UBA2: variants seen among roughly 807,000 people sequenced by gnomAD.
UBA2 encodes the protein ubiquitin like modifier activating enzyme 2.
A neutral mutation model predicts 77.2 loss-of-function variants in UBA2; 11 were observed. That is an observed-to-expected ratio of 0.14 (90% confidence interval 0.09 to 0.24). UBA2 has a LOEUF of 0.24. Ranked by LOEUF, UBA2 falls within the 10% of genes least tolerant of loss-of-function variation. UBA2 has a pLI of 1.00. For synonymous variants in UBA2, 278 were observed against 276.7 expected (o/e 1.00, Z -0.05); for missense variants, 487 against 781.7 (o/e 0.62, Z 4.50).
intron 5 of UBA2, among the ~76,000 whole-genome samples, chr19:34,438,089 A>T (rs557004517): frequency 1.0e-3 from 155 of 152,210 alleles, no homozygotes; most frequent in Middle Eastern, 6.8e-3. Flanking sequence ...TAAAATGAAG[A>T]GTATTTGGTT....
intron 13 of UBA2, 120 bp downstream of exon 13, chr19:34,459,044 C>T: frequency 2.6e-6 from 3 of 1,134,978 alleles, no homozygotes; most frequent in South Asian, 4.3e-5. Flanking sequence ...CTGTGATTTC[C>T]TGGGTTATTT....
intron 14 of UBA2, among the ~76,000 whole-genome samples, chr19:34,463,230 T>C (rs1311128307): frequency 6.6e-6 from 1 of 152,202 alleles, no homozygotes; most frequent in African/African-American, 2.4e-5. Flanking sequence ...GGTGAGACCC[T>C]GTCTTTAAAA....
chr19:34,467,223 T>C, intron 16 of UBA2: 1 of 532,668 alleles, frequency 1.9e-6, no homozygotes, highest in Non-Finnish European at 3.2e-6. Context: ...ATCCCAGCAC[T>C]TTGAGAGGCC....
intron 8 of UBA2, 86 bp downstream of exon 8, chr19:34,445,207 C>T: frequency 1.4e-6 from 2 of 1,379,702 alleles, no homozygotes; most frequent in African/African-American, 2.9e-5. Flanking sequence ...TTAAAATAGT[C>T]CATAAAATTG....
rs377669218 is a variant in UBA2 at position 34,431,939 on chromosome 19, A to G, written c.293+8A>G. ...CCATGACAGCATCATGAAGTATGCT[A>G]TAGTGATTACATTGCAAAGTTGTAT... On this transcript the variant is annotated splice_region_variant and intron_variant, in intron 3 of 16. Coordinates refer to ENST00000246548, the MANE Select transcript of UBA2 (RefSeq NM_005499.3). The G allele has an allele frequency of 3.8e-6, 6 of 1,573,636 alleles. 1 individual carries two copies. Among genetic ancestry groups the G allele is most frequent in the Non-Finnish European group, 4.3e-6 (5 of 1,165,756 alleles).
At chr19:34,432,414 T>C (rs1219400684) in intron 3 of UBA2, among the ~76,000 whole-genome samples, 1 of 152,114 alleles carries the variant, frequency 6.6e-6, no homozygotes, top group Non-Finnish European at 1.5e-5. Flanking sequence ...TTTGGAGGAG[T>C]TGGAGCAAAG....
intron 6 of UBA2, among the ~76,000 whole-genome samples, chr19:34,439,053 C>A (rs1427142696): frequency 6.6e-6 from 1 of 151,896 alleles, no homozygotes; most frequent in East Asian, 1.9e-4. Context: ...ACTAAAAATA[C>A]AAAAATTAGT....
chr19:34,461,268 C>G (rs1231878019), intron 14 of UBA2, among the ~76,000 whole-genome samples: 1 of 152,128 alleles, frequency 6.6e-6, no homozygotes, highest in African/African-American at 2.4e-5. Context: ...TGACTTAATT[C>G]ATACCTATTT....
At chr19:34,436,371 C>A (rs2075308521) in intron 5 of UBA2, among the ~76,000 whole-genome samples, 1 of 152,088 alleles carries the variant, frequency 6.6e-6, no homozygotes, top group East Asian at 1.9e-4. Context: ...GCGATCTCAG[C>A]TCGCCGCAAC....
rs540811943 is a variant in UBA2 at position 34,438,101 on chromosome 19, A to G, written c.460-544A>G. On this transcript the variant is annotated intron_variant, in intron 5 of 16. Coordinates refer to ENST00000246548, the MANE Select transcript of UBA2 (RefSeq NM_005499.3). ...CAATAAAATGAAGAGTATTTGGTTT[A>G]GTAACACCTAAGATTTTTCTGTGTA... is the stretch of plus-strand genomic sequence containing the variant. Among the ~76,000 whole-genome samples the G allele has an allele frequency of 9.9e-5, 15 of 152,258 alleles. No homozygotes were observed. In the South Asian group the frequency reaches 2.9e-3, roughly 29 times the overall value.
At chr19:34,434,834 T>TC (rs1555727018) in intron 4 of UBA2, 34 bp from the exon 5 acceptor site, 16 of 1,510,672 alleles carry the variant, frequency 1.1e-5, no homozygotes, top group South Asian at 4.8e-5. Flanking sequence ...ATTTTTTTTT[T>TC]CCCAAAAACT....
At chr19:34,456,570 T>C (rs1017571705) in intron 12 of UBA2, among the ~76,000 whole-genome samples, 1 of 152,082 alleles carries the variant, frequency 6.6e-6, no homozygotes, top group Non-Finnish European at 1.5e-5. Flanking sequence ...TTGGTATCTT[T>C]TTTTTGAGAT....
intron 15 of UBA2, among the ~76,000 whole-genome samples, chr19:34,466,353 C>G (rs1040516626): frequency 6.6e-5 from 10 of 152,018 alleles, no homozygotes; most frequent in African/African-American, 2.4e-4. Context: ...AGAAAAAGAT[C>G]ACATTGTAAG....
At chr19:34,467,401 G>A (rs1236375220) in intron 16 of UBA2, among the ~76,000 whole-genome samples, 3 of 150,190 alleles carry the variant, frequency 2.0e-5, no homozygotes, top group Admixed American at 1.3e-4. Flanking sequence ...CCAGGAGTTC[G>A]ACACTGCAGT....
At chr19:34,461,196 C>T (rs1466122185) in intron 14 of UBA2, among the ~76,000 whole-genome samples, 1 of 152,092 alleles carries the variant, frequency 6.6e-6, no homozygotes, top group Middle Eastern at 3.2e-3. Context: ...TTTCCATGTC[C>T]CAGTTTTTGC....
At chr19:34,428,643 CAGGGGCTCTGAGGCTCAGG>C in intron 1 of UBA2, 73 bp downstream of exon 1, 1 of 1,202,266 alleles carries the variant, frequency 8.3e-7, no homozygotes. Flanking sequence ...TCCGGGGCTC[CAGGGGCTCTGAGGCTCAGG>C]GCCCGGAGCC....
intron 14 of UBA2, among the ~76,000 whole-genome samples, chr19:34,460,918 A>G (rs1019705746): frequency 6.6e-6 from 1 of 152,182 alleles, no homozygotes; most frequent in East Asian, 1.9e-4. Context: ...AGAGTGGGGA[A>G]GCCTTGGTAG....
intron 10 of UBA2, 151 bp downstream of exon 10, chr19:34,452,298 T>A: frequency 3.0e-6 from 2 of 658,778 alleles, no homozygotes; most frequent in Non-Finnish European, 4.9e-6. Context: ...CTAATTGCTG[T>A]ATGGAGCTGA....
At chr19:34,456,369 C>T (rs1189114189) in intron 12 of UBA2, among the ~76,000 whole-genome samples, 3 of 151,856 alleles carry the variant, frequency 2.0e-5, no homozygotes, top group Admixed American at 6.6e-5. Context: ...CCTTCTCAGC[C>T]TCCCAGAGTA....
Sources: gnomAD v4.1 joint callset for allele counts (sites outside exome capture counted in the v4.1 genomes callset) on GRCh38, gnomAD v4.1.1 for gene constraint, MANE v1.5 for transcripts, NCBI Gene and HGNC (gene_info 2026-07-23, HGNC 2026-07-21) for gene names.